Variants in PARD3 observed in about 807,000 individuals in gnomAD.
The protein encoded by PARD3 is par-3 family cell polarity regulator.
Under a neutral mutation model 155.4 loss-of-function variants are expected in PARD3, and 75 were observed. The ratio of observed to expected loss-of-function variants is 0.48; its 90% CI spans 0.40 to 0.58. The LOEUF is 0.58. PARD3 is among the 20% of genes least tolerant of loss of function. The pLI, the probability that PARD3 is intolerant of heterozygous loss-of-function variation, is 0.00. For missense variants in PARD3, 1,642 were observed against 1,721.7 expected, an observed-to-expected ratio of 0.95 and a Z score of 0.82; for synonymous variants, 576 against 610.5, an observed-to-expected ratio of 0.94 and a Z score of 0.83.
intron 22 of PARD3, among the ~76,000 whole-genome samples, chr10:34,221,624 C>G (rs1417717824): frequency 6.6e-6 from 1 of 152,100 alleles, no homozygotes; most frequent in Non-Finnish European, 1.5e-5. Context: ...CCAGGGAGCC[C>G]TATCCGTTCC....
chr10:34,505,574 TCTGTGGACACCCTACAGGCAGCC>T lies in PARD3; in HGVS notation c.403+11382_403+11404del, dbSNP rs557290691. 6.3e-3 allele frequency among the ~76,000 whole-genome samples: 953 copies of T among 152,224 alleles called. 9 individuals are homozygous for T. Among genetic ancestry groups the T allele is most frequent in the African/African-American group, 0.022 (909 of 41,524 alleles). On this transcript the variant is annotated intron_variant, in intron 3 of 24. Coordinates refer to ENST00000374788, the MANE Select transcript of PARD3 (RefSeq NM_001184785.2). ...ATCCTAACGGGCCACATGTCAAGGC[TCTGTGGACACCCTACAGGCAGCC>T]CTGTGGACCCCCAACAGGCAAGCCT...
chr10:34,551,509 T>C (rs534292417), intron 2 of PARD3, among the ~76,000 whole-genome samples: 166 of 152,262 alleles, frequency 1.1e-3, no homozygotes, highest in Non-Finnish European at 2.1e-3. Flanking sequence ...TTGATTCCAA[T>C]TGCAACAGCC....
chr10:34,609,419 T>C (rs1029855707), intron 2 of PARD3, among the ~76,000 whole-genome samples: 4 of 152,118 alleles, frequency 2.6e-5, no homozygotes, highest in African/African-American at 9.7e-5. Context: ...ACACCACCAA[T>C]CTCAATACTG....
rs565459796 is a variant in PARD3 at position 34,801,397 on chromosome 10, T to C, written c.120+13479A>G. 2.6e-5 allele frequency among the ~76,000 whole-genome samples: 4 copies of C among 152,280 alleles called. No homozygotes were observed. The South Asian group carries it at 6.2e-4, about 24-fold the overall frequency. ...AGAAGCATTACTTTAATTAATGAGA[T>C]GTTTAAGGTCTTCAAAGAGGAAAAC... is the stretch of plus-strand genomic sequence containing the variant. On this transcript the variant is annotated intron_variant, in intron 1 of 24. Coordinates refer to ENST00000374788, the MANE Select transcript of PARD3 (RefSeq NM_001184785.2).
intron 20 of PARD3, among the ~76,000 whole-genome samples, chr10:34,298,762 G>A (rs1017534331): frequency 1.3e-5 from 2 of 152,306 alleles, no homozygotes; most frequent in Admixed American, 1.3e-4. Flanking sequence ...ATTTCACCAC[G>A]ATTTAAAATG....
intron 22 of PARD3, among the ~76,000 whole-genome samples, chr10:34,156,708 C>T (rs75611293): frequency 0.015 from 2,269 of 152,298 alleles, 60 homozygotes; most frequent in African/African-American, 0.051. Flanking sequence ...CACTGTGGTC[C>T]CACTTTGAGG....
chr10:34,631,833 AGTG>A (rs1424013331), intron 2 of PARD3, among the ~76,000 whole-genome samples: 3 of 152,200 alleles, frequency 2.0e-5, no homozygotes, highest in Non-Finnish European at 4.4e-5. Context: ...CCTCGCCTCA[AGTG>A]ATCCACCTGC....
rs575201694 is a variant in PARD3, at chr10:34,209,944, A to G, written c.3419+59713T>C. Among the ~76,000 whole-genome samples the G allele has an allele frequency of 5.9e-5, 9 of 152,312 alleles. No homozygotes were observed. The East Asian group carries it at 1.5e-3, about 26-fold the overall frequency. On this transcript the variant is annotated intron_variant, in intron 22 of 24. Transcript: ENST00000374788. ...ATATTTATATGTAAAGTTAATCCTCAGTTACCAAAAATCTTACCTAGTGGA... is the reference window on the plus strand; with the variant it reads ...ATATTTATATGTAAAGTTAATCCTCGGTTACCAAAAATCTTACCTAGTGGA...
At chr10:34,346,088 A>G (rs564231444) in intron 15 of PARD3, 50 of 995,562 alleles carry the variant, frequency 5.0e-5, no homozygotes, top group Middle Eastern at 1.0e-3. Flanking sequence ...GGGCATACAC[A>G]TCACAAAACA....
rs12255050 is a variant in PARD3 at position 34,275,810 on chromosome 10, T to C, written c.3177-5911A>G. 2.1e-3 allele frequency among the ~76,000 whole-genome samples: 321 copies of C among 152,260 alleles called. 1 individual carries two copies. Among genetic ancestry groups the C allele is most frequent in the African/African-American group, 7.4e-3 (306 of 41,550 alleles). ...CTTAATGGATCCAGATGGCCAGGGC[T>C]ATAAAAGCATACCCCCTTTACTCTT... On this transcript the variant is annotated intron_variant, in intron 21 of 24. Transcript: ENST00000374788.
intron 22 of PARD3, among the ~76,000 whole-genome samples, chr10:34,145,915 G>A (rs1948484215): frequency 6.6e-6 from 1 of 152,138 alleles, no homozygotes; most frequent in Non-Finnish European, 1.5e-5. Context: ...GGACAGGAAG[G>A]CTGGGCAGAG....
chr10:34,414,255 T>C (rs1294843149), intron 5 of PARD3, among the ~76,000 whole-genome samples: 2 of 151,276 alleles, frequency 1.3e-5, no homozygotes, highest in African/African-American at 4.9e-5. Flanking sequence ...GAAACAAATA[T>C]CATCAAGGTA....
Position 34,269,714 on chromosome 10 carries a change from T to A in PARD3, c.3362A>T (p.Asp1121Val). Residue 1121 changes from aspartate to valine, a missense_variant, in exon 22 of 25, where the codon GAT becomes GTT. By Grantham distance (152) the Asp-to-Val change is radical. Transcript: ENST00000374788. ...PQSPREGHMM[D>V]ALYAQVKKPR... ...CTTCTTGACTTGGGCATACAAAGCA[T>A]CCATCATATGCCCTTCTCGTGGGCT... is the stretch of plus-strand genomic sequence containing the variant. 6.2e-7 allele frequency: 1 copy of A among 1,614,048 alleles called. No individual in the cohort carries two copies. The highest frequency in any genetic ancestry group is 1.1e-5 in the South Asian group (1 of 91,084).
intron 1 of PARD3, among the ~76,000 whole-genome samples, chr10:34,707,191 A>G (rs1232743908): frequency 6.6e-6 from 1 of 151,624 alleles, no homozygotes; most frequent in Non-Finnish European, 1.5e-5. Flanking sequence ...GGCTGCAGTA[A>G]GCAGTGGCGT....
At chr10:34,525,224 T>C (rs781480767) in intron 2 of PARD3, among the ~76,000 whole-genome samples, 7 of 152,206 alleles carry the variant, frequency 4.6e-5, no homozygotes, top group Non-Finnish European at 1.0e-4. Flanking sequence ...TGGAAAACTT[T>C]AAATGTTATG....
chr10:34,548,767 T>C (rs113906474), intron 2 of PARD3, among the ~76,000 whole-genome samples: 9 of 152,032 alleles, frequency 5.9e-5, no homozygotes, highest in African/African-American at 1.7e-4. Context: ...GGCAGCCTTT[T>C]ATTGGCTTTA....
Position 34,302,656 on chromosome 10 carries a change from C to T in PARD3, c.3065+14451G>A, listed in dbSNP as rs140109000. 7.7e-3 allele frequency among the ~76,000 whole-genome samples: 1,173 copies of T among 152,306 alleles called. 6 individuals are homozygous for T. Among genetic ancestry groups the T allele is most frequent in the Middle Eastern group, 0.014 (4 of 294 alleles). The stretch of plus-strand genomic sequence containing the variant: ...TTAGCTATCTGTGCCCATACCTGTA[C>T]ACGAGGTTGCAAGGTAGGATGTATT... On this transcript the variant is annotated intron_variant, in intron 20 of 24. Transcript: ENST00000374788.
chr10:34,501,858 T>C (rs188596687), intron 3 of PARD3, among the ~76,000 whole-genome samples: 5 of 152,250 alleles, frequency 3.3e-5, no homozygotes, highest in African/African-American at 9.6e-5. Flanking sequence ...GGAATGAATG[T>C]TGTGTCTACC....
intron 2 of PARD3, among the ~76,000 whole-genome samples, chr10:34,664,389 G>A (rs1217502179): frequency 1.3e-5 from 2 of 152,000 alleles, no homozygotes; most frequent in African/African-American, 2.4e-5. Flanking sequence ...TTTTAGTAGA[G>A]GTGGGGTTTC....
Sources: allele counts gnomAD v4.1 joint callset (sites outside exome capture counted in the v4.1 genomes callset), GRCh38; gene constraint gnomAD v4.1.1; transcripts MANE v1.5; gene names NCBI Gene and HGNC (gene_info 2026-07-23, HGNC 2026-07-21).